Variants in EXOC4 observed in about 807,000 individuals in gnomAD.
EXOC4 encodes the protein exocyst complex component 4.
A neutral mutation model predicts 107.2 loss-of-function variants in EXOC4; 71 were observed. The ratio of observed to expected loss-of-function variants is 0.66; its 90% CI spans 0.55 to 0.81. The LOEUF (loss-of-function observed/expected upper bound fraction) is 0.81, where lower values mean the gene tolerates loss of function less well. Among genes scored for constraint, EXOC4 ranks in the 30% least tolerant of loss-of-function variants. EXOC4 has a pLI of 0.00. For synonymous variants in EXOC4, 456 were observed against 441.2 expected (o/e 1.03, Z -0.42); for missense variants, 1,108 against 1,189.6 (o/e 0.93, Z 1.01).
At chr7:133,287,467 T>A (rs1486115055) in intron 2 of EXOC4, among the ~76,000 whole-genome samples, 1 of 152,072 alleles carries the variant, frequency 6.6e-6, no homozygotes, top group Non-Finnish European at 1.5e-5. Flanking sequence ...CCCGCCACCA[T>A]GCCCAGCTAA....
At chr7:133,944,355 TCTGG>T (rs1319588759) in intron 14 of EXOC4, among the ~76,000 whole-genome samples, 1 of 152,134 alleles carries the variant, frequency 6.6e-6, no homozygotes, top group African/African-American at 2.4e-5. Context: ...TTATAGGAAT[TCTGG>T]TTGGGTATTT....
At chr7:133,721,841 T>C (rs1212902944) in intron 10 of EXOC4, among the ~76,000 whole-genome samples, 2 of 152,214 alleles carry the variant, frequency 1.3e-5, no homozygotes, top group Admixed American at 6.5e-5. Flanking sequence ...TAAATGATGA[T>C]ATTCTGGCTA....
At chr7:133,607,849 G>A (rs1339251766) in intron 9 of EXOC4, among the ~76,000 whole-genome samples, 2 of 151,968 alleles carry the variant, frequency 1.3e-5, no homozygotes, top group East Asian at 3.9e-4. Flanking sequence ...TACCCCTTAA[G>A]TATAAAAACA....
At chr7:133,753,763 G>A (rs977739181) in intron 10 of EXOC4, among the ~76,000 whole-genome samples, 1 of 152,116 alleles carries the variant, frequency 6.6e-6, no homozygotes, top group Non-Finnish European at 1.5e-5. Context: ...ATTTAGTGGC[G>A]TGAACTTGAG....
At chr7:134,004,339 A>G (rs947969934) in intron 15 of EXOC4, among the ~76,000 whole-genome samples, 3 of 152,160 alleles carry the variant, frequency 2.0e-5, no homozygotes, top group African/African-American at 7.2e-5. Flanking sequence ...AGTTACTCAC[A>G]GCACCTTATG....
chr7:133,462,961 G>T (rs972045972), intron 7 of EXOC4, among the ~76,000 whole-genome samples: 3 of 152,136 alleles, frequency 2.0e-5, no homozygotes, highest in African/African-American at 4.8e-5. Context: ...AGGCATGGAG[G>T]AAGCCATTGA....
chr7:133,351,249 T>C (rs1795903269), intron 5 of EXOC4, among the ~76,000 whole-genome samples: 1 of 152,006 alleles, frequency 6.6e-6, no homozygotes. Context: ...TTATTCCTTT[T>C]TCTAGAATTT....
At chr7:133,970,891 C>CG (rs879288540) in intron 14 of EXOC4, among the ~76,000 whole-genome samples, 3 of 151,520 alleles carry the variant, frequency 2.0e-5, no homozygotes, top group Non-Finnish European at 4.4e-5. Flanking sequence ...AAATGGTTTC[C>CG]CCTGACCTGC....
At chr7:133,985,212 A>G (rs1219995995) in intron 14 of EXOC4, among the ~76,000 whole-genome samples, 1 of 152,216 alleles carries the variant, frequency 6.6e-6, no homozygotes, top group African/African-American at 2.4e-5. Flanking sequence ...GGTGTAACAC[A>G]TGATCATGTA....
chr7:133,532,182 C>G (rs1292072111), intron 9 of EXOC4, among the ~76,000 whole-genome samples: 2 of 152,024 alleles, frequency 1.3e-5, no homozygotes, highest in African/African-American at 2.4e-5. Context: ...GTACCCAATA[C>G]TTACTATTTC....
chr7:133,841,981 A>G (rs1468594265), intron 11 of EXOC4, among the ~76,000 whole-genome samples: 2 of 152,224 alleles, frequency 1.3e-5, no homozygotes, highest in Non-Finnish European at 2.9e-5. Flanking sequence ...TGTTGCTGCA[A>G]AGAACGTGAG....
intron 5 of EXOC4, among the ~76,000 whole-genome samples, chr7:133,327,515 T>G (rs1345388476): frequency 6.6e-6 from 1 of 152,190 alleles, no homozygotes; most frequent in African/African-American, 2.4e-5. Context: ...CTCTTGTTCT[T>G]TCAATTGTGA....
At chr7:133,323,319 G>T (rs1795158778) in intron 5 of EXOC4, among the ~76,000 whole-genome samples, 1 of 152,120 alleles carries the variant, frequency 6.6e-6, no homozygotes, top group Non-Finnish European at 1.5e-5. Flanking sequence ...TCCAGTTTTT[G>T]CCCATTCAGT....
chr7:133,741,340 C>T (rs1795559845), intron 10 of EXOC4, among the ~76,000 whole-genome samples: 1 of 152,164 alleles, frequency 6.6e-6, no homozygotes, highest in Admixed American at 6.5e-5. Context: ...CTGTTCCAGC[C>T]CTGCTGCTCT....
intron 5 of EXOC4, among the ~76,000 whole-genome samples, chr7:133,321,315 G>A (rs1411891771): frequency 6.6e-6 from 1 of 151,800 alleles, no homozygotes; most frequent in Non-Finnish European, 1.5e-5. Context: ...TGGTACATGT[G>A]CAGAATGTAT....
intron 9 of EXOC4, among the ~76,000 whole-genome samples, chr7:133,563,557 C>G (rs549196198): frequency 2.6e-5 from 4 of 152,254 alleles, no homozygotes; most frequent in African/African-American, 9.6e-5. Flanking sequence ...TCTGTTAAAG[C>G]CTTTTCCTCC....
chr7:133,951,824 G>T (rs906591008), intron 14 of EXOC4, among the ~76,000 whole-genome samples: 6 of 152,204 alleles, frequency 3.9e-5, no homozygotes, highest in Admixed American at 6.5e-5. Context: ...GACTTCCTCT[G>T]TGAACTTGTA....
At chr7:133,807,967 C>A (rs907741489) in intron 10 of EXOC4, among the ~76,000 whole-genome samples, 6 of 152,116 alleles carry the variant, frequency 3.9e-5, no homozygotes, top group Non-Finnish European at 8.8e-5. Context: ...CCTGCAGCGT[C>A]CAAATTTTGT....
intron 10 of EXOC4, among the ~76,000 whole-genome samples, chr7:133,787,958 TATATTTATATATATATATATATA>T (rs1562997560): frequency 0.045 from 2,388 of 52,830 alleles, 364 homozygotes; most frequent in Admixed American, 0.049. Flanking sequence ...CATATATTTA[TATATTTATATATATATATATATA>T]TATATATATA....
Sources: gnomAD v4.1 joint callset for allele counts (sites outside exome capture counted in the v4.1 genomes callset) on GRCh38, gnomAD v4.1.1 for gene constraint, MANE v1.5 for transcripts, NCBI Gene and HGNC (gene_info 2026-07-23, HGNC 2026-07-21) for gene names.